The following HIP1 variants were observed in gnomAD, a reference collection of about 807,000 sequenced individuals.
HIP1 encodes huntingtin interacting protein 1.
In HIP1, 65 loss-of-function variants were observed where a neutral mutation model predicts 147.6. The observed-to-expected ratio is 0.44, with a 90% CI of 0.36 to 0.54. The LOEUF (loss-of-function observed/expected upper bound fraction) is 0.54. HIP1 is among the 20% of genes least tolerant of loss of function. HIP1 has a pLI of 0.00. For missense variants in HIP1, 1,061 were observed against 1,299.6 expected (o/e 0.82, Z 2.82); for synonymous variants, 479 against 504.0 (o/e 0.95, Z 0.67).
At position 75,568,318 on chromosome 7, in the gene HIP1, G is replaced by A. The variant is rs1318494231; in HGVS notation, c.746-62C>T. 28 of 1,144,464 alleles carry A rather than the reference G, an allele frequency of 2.4e-5. No homozygotes were observed. Among genetic ancestry groups the A allele is most frequent in the African/African-American group, 1.4e-4 (9 of 65,682 alleles). 70.9% of individuals were successfully genotyped at this position (1,144,464 alleles called of 1,614,324 possible). A position where few individuals can be genotyped will look rare whatever the true frequency, so the allele number is the denominator to read the frequency against. ...GACCAGAGGGCAGGGAAGCCACAGC[G>A]GGGCTCTCGAGGGGGAGGGGCCCAG... On this transcript the variant is annotated intron_variant, in intron 8 of 30. Coordinates refer to ENST00000336926, the MANE Select transcript of HIP1 (RefSeq NM_005338.7). This position sits in a 1 kb window ranked among gnomAD's most constrained non-coding sequence, Gnocchi z 4.1.
chr7:75,551,570 G>A (rs1429306821), intron 22 of HIP1, among the ~76,000 whole-genome samples: 2 of 151,852 alleles, frequency 1.3e-5, no homozygotes, highest in Non-Finnish European at 2.9e-5. Context: ...CACCCAGGCT[G>A]GAGTACAGTG....
intron 1 of HIP1, among the ~76,000 whole-genome samples, chr7:75,661,887 C>T (rs914754345): frequency 6.6e-6 from 1 of 151,856 alleles, no homozygotes; most frequent in African/African-American, 2.4e-5. Flanking sequence ...CAGGAAGTTC[C>T]CCAAGAGTGT....
At chr7:75,594,784 A>G (rs749277672) in intron 2 of HIP1, among the ~76,000 whole-genome samples, 1 of 152,170 alleles carries the variant, frequency 6.6e-6, no homozygotes, top group Non-Finnish European at 1.5e-5. Flanking sequence ...AAAAATAAAC[A>G]AATGTCCCTC....
chr7:75,623,486 C>T lies in HIP1; in HGVS notation c.121-24239G>A, dbSNP rs79224077. Among the ~76,000 whole-genome samples the T allele has an allele frequency of 5.9e-5, 9 of 152,226 alleles. No homozygotes were observed. In the East Asian group the frequency reaches 1.5e-3, roughly 26 times the overall value. ...AGCAGGAGGGCAGGCTGGGCCAGAT[C>T]CCACAGTACAGACACAGACGGAGGC... On this transcript the variant is annotated intron_variant, in intron 1 of 30. Coordinates refer to ENST00000336926, the MANE Select transcript of HIP1 (RefSeq NM_005338.7).
intron 1 of HIP1, chr7:75,611,829 C>T (rs1231625898): frequency 1.5e-5 from 15 of 1,029,060 alleles, no homozygotes; most frequent in East Asian, 6.2e-5. Flanking sequence ...CGGCTGGTTC[C>T]GGAGAGCCAA....
intron 1 of HIP1, among the ~76,000 whole-genome samples, chr7:75,691,299 G>A (rs554197763): frequency 6.6e-6 from 1 of 151,720 alleles, no homozygotes; most frequent in South Asian, 2.1e-4. Context: ...GACCAGTCTG[G>A]TCAACATGGT....
intron 7 of HIP1, among the ~76,000 whole-genome samples, chr7:75,574,886 G>A (rs1554497407): frequency 6.6e-6 from 1 of 152,104 alleles, no homozygotes; most frequent in African/African-American, 2.4e-5. Context: ...TCAGCCAGGT[G>A]CAGTGGCTCA....
At chr7:75,621,579 G>A (rs1365702719) in intron 1 of HIP1, among the ~76,000 whole-genome samples, 3 of 152,212 alleles carry the variant, frequency 2.0e-5, no homozygotes, top group Middle Eastern at 3.4e-3. Context: ...TGAGCAAAGC[G>A]GTAAAACGAT....
At chr7:75,617,468 C>T (rs1301553796) in intron 1 of HIP1, among the ~76,000 whole-genome samples, 1 of 152,134 alleles carries the variant, frequency 6.6e-6, no homozygotes, top group Non-Finnish European at 1.5e-5. Context: ...CCTCCTGCAG[C>T]GGCCTCCCAA....
intron 2 of HIP1, among the ~76,000 whole-genome samples, chr7:75,595,538 T>C (rs939688809): frequency 1.3e-5 from 2 of 151,904 alleles, no homozygotes; most frequent in Non-Finnish European, 2.9e-5. Flanking sequence ...GAGACGGGGT[T>C]TCACCATGAT....
At chr7:75,583,951 T>C (rs1271242101) in intron 5 of HIP1, among the ~76,000 whole-genome samples, 3 of 146,872 alleles carry the variant, frequency 2.0e-5, no homozygotes, top group Non-Finnish European at 3.0e-5. Context: ...TTCTTTAATG[T>C]GTGCGGGATA....
At chr7:75,683,804 C>T (rs1376876491) in intron 1 of HIP1, among the ~76,000 whole-genome samples, 1 of 152,196 alleles carries the variant, frequency 6.6e-6, no homozygotes, top group Non-Finnish European at 1.5e-5. Flanking sequence ...AACAAATGGA[C>T]ATCTGTACAG....
chr7:75,543,714 C>T (rs1554490379), intron 27 of HIP1, among the ~76,000 whole-genome samples: 1 of 152,160 alleles, frequency 6.6e-6, no homozygotes, highest in Admixed American at 6.6e-5. Flanking sequence ...ATGATGCCAA[C>T]CTATTCCTTA....
At chr7:75,719,600 T>A (rs1292586398) in intron 1 of HIP1, among the ~76,000 whole-genome samples, 1 of 152,118 alleles carries the variant, frequency 6.6e-6, no homozygotes, top group African/African-American at 2.4e-5. Flanking sequence ...CTTTCTATCG[T>A]TTAATCCTTT....
At chr7:75,592,632 GCTGCACCCAGCCACTGCAGGGGACCAAGC>G in intron 2 of HIP1, 118 bp from the exon 3 acceptor site, 1 of 1,031,768 alleles carries the variant, frequency 9.7e-7, no homozygotes, top group Non-Finnish European at 1.4e-6. Context: ...GGGGATAGAG[GCTGCACCCAGCCACTGCAGGGGACCAAGC>G]CTGCACACAG....
Position 75,663,938 on chromosome 7 carries a change from A to G in HIP1, c.121-64691T>C, listed in dbSNP as rs868944333. 4.7e-4 allele frequency among the ~76,000 whole-genome samples: 55 copies of G among 116,732 alleles called. 1 individual carries two copies. The highest frequency in any genetic ancestry group is 2.6e-3 in the Admixed American group (23 of 8,690). 76.6% of individuals were successfully genotyped at this position (116,732 alleles called of 152,430 possible). A position where few individuals can be genotyped will look rare whatever the true frequency, so the allele number is the denominator to read the frequency against. On this transcript the variant is annotated intron_variant, in intron 1 of 30. Coordinates refer to ENST00000336926, the MANE Select transcript of HIP1 (RefSeq NM_005338.7). ...TCCATTATTTTATGTATGTGTGTATATATATATATACACATATATGTGTAT... is the reference window on the plus strand; with the variant it reads ...TCCATTATTTTATGTATGTGTGTATGTATATATATACACATATATGTGTAT...
At chr7:75,657,796 T>C (rs1362833113) in intron 1 of HIP1, among the ~76,000 whole-genome samples, 2 of 152,006 alleles carry the variant, frequency 1.3e-5, no homozygotes, top group African/African-American at 4.8e-5. Context: ...TATTGGGTAT[T>C]ATATGGGCGA....
At chr7:75,727,498 A>G (rs1449818240) in intron 1 of HIP1, among the ~76,000 whole-genome samples, 9 of 151,660 alleles carry the variant, frequency 5.9e-5, no homozygotes, top group African/African-American at 2.2e-4. Flanking sequence ...TGTGTTGCAA[A>G]TATTTTCTTC....
chr7:75,599,228 G>A lies in HIP1; in HGVS notation c.140C>T (p.Ala47Val), dbSNP rs200410020. The change falls in exon 2 of 31, where the codon GCC (alanine) becomes GTC (valine). Residue 47 changes from alanine to valine, a missense_variant. Coordinates refer to ENST00000336926, the MANE Select transcript of HIP1 (RefSeq NM_005338.7). The part of the protein sequence containing the change: ...ERTQTVSINK[A>V]INTQEVAVKE... Reference sequence around the variant, plus strand: ...TACAGCCACTTCCTGCGTATTAATGGCCTTATTGATGCTGACAGTCTGAAA... The same window carrying A: ...TACAGCCACTTCCTGCGTATTAATGACCTTATTGATGCTGACAGTCTGAAA... 8.2e-5 allele frequency: 132 copies of A among 1,612,446 alleles called. No homozygotes were observed. The highest frequency in any genetic ancestry group is 1.1e-5 in the Non-Finnish European group (13 of 1,178,604).
Sources: allele counts gnomAD v4.1 joint callset (sites outside exome capture counted in the v4.1 genomes callset), GRCh38; gene constraint gnomAD v4.1.1; non-coding constraint Gnocchi (gnomAD v3.1); transcripts MANE v1.5; gene names NCBI Gene and HGNC (gene_info 2026-07-23, HGNC 2026-07-21).